CERK: variants seen among roughly 807,000 people sequenced by gnomAD.
CERK encodes acylsphingosine kinase.
CERK carries 39 observed loss-of-function variants against 63.4 expected under a neutral mutation model. That is an observed-to-expected ratio of 0.61 (90% CI 0.48 to 0.80). The LOEUF is 0.80. CERK is among the 30% of genes least tolerant of loss of function. CERK has a pLI of 0.00. For missense variants in CERK, 670 were observed against 714.1 expected, an observed-to-expected ratio of 0.94 and a Z score of 0.70; for synonymous variants, 302 against 280.0, an observed-to-expected ratio of 1.08 and a Z score of -0.78.
intron 3 of CERK, among the ~76,000 whole-genome samples, chr22:46,719,400 G>A (rs940662688): frequency 1.1e-4 from 16 of 151,950 alleles, no homozygotes; most frequent in Non-Finnish European, 1.9e-4. Context: ...GGCTGGGCGT[G>A]GTGGCTCACA....
intron 6 of CERK, among the ~76,000 whole-genome samples, chr22:46,702,449 G>A (rs116520404): frequency 3.3e-5 from 5 of 151,964 alleles, no homozygotes; most frequent in East Asian, 2.0e-4. Flanking sequence ...GCGCCACCAC[G>A]CCCTGGCTTA....
chr22:46,719,979 G>A, intron 3 of CERK, 107 bp downstream of exon 3: 2 of 1,438,214 alleles, frequency 1.4e-6, no homozygotes, highest in South Asian at 2.6e-5. Flanking sequence ...GTCCACCTGG[G>A]GTATGGCCAG....
At chr22:46,733,514 G>A (rs907340148) in intron 1 of CERK, among the ~76,000 whole-genome samples, 1 of 151,048 alleles carries the variant, frequency 6.6e-6, no homozygotes, top group Admixed American at 6.6e-5. Flanking sequence ...GGCTGGTCAC[G>A]ACCTCCTGAC....
chr22:46,718,367 C>T (rs116776971), intron 3 of CERK, among the ~76,000 whole-genome samples: 1,974 of 152,002 alleles, frequency 0.013, 40 homozygotes, highest in African/African-American at 0.045. Flanking sequence ...GAAAGCAGGA[C>T]GGACGGAAAG....
At chr22:46,702,095 C>T (rs1006662105) in intron 6 of CERK, among the ~76,000 whole-genome samples, 3 of 149,146 alleles carry the variant, frequency 2.0e-5, no homozygotes, top group African/African-American at 4.9e-5. Context: ...GCAGGAGAAT[C>T]GCTTGATCCC....
intron 1 of CERK, among the ~76,000 whole-genome samples, chr22:46,736,380 C>T (rs2082973560): frequency 1.3e-5 from 2 of 152,248 alleles, no homozygotes; most frequent in South Asian, 4.1e-4. Context: ...AGCCCAGTGG[C>T]TACAAGCACA....
intron 2 of CERK, 26 bp from the exon 3 acceptor site, chr22:46,720,234 A>T: frequency 6.3e-7 from 1 of 1,593,580 alleles, no homozygotes; most frequent in South Asian, 1.1e-5. Flanking sequence ...CATGCTCGTT[A>T]GTGCAAAGTT....
intron 3 of CERK, among the ~76,000 whole-genome samples, chr22:46,716,086 A>G (rs994283874): frequency 1.3e-5 from 2 of 152,044 alleles, no homozygotes; most frequent in Non-Finnish European, 1.5e-5. Flanking sequence ...GCTACTTGCG[A>G]GGCTGAGGCA....
intron 10 of CERK, among the ~76,000 whole-genome samples, chr22:46,692,426 TAAAAAAAAAAAA>T (rs553286743): frequency 7.5e-5 from 7 of 93,114 alleles, no homozygotes; most frequent in African/African-American, 2.4e-4. Context: ...AACTCTGTCT[TAAAAAAAAAAAA>T]AAAAAAAAAA....
At position 46,691,768 on chromosome 22, in the gene CERK, T is replaced by C; in HGVS notation, c.1136A>G (p.Glu379Gly). 6.2e-7 allele frequency: 1 copy of C among 1,609,430 alleles called. No homozygotes were observed. Among genetic ancestry groups the C allele is most frequent in the South Asian group, 1.1e-5 (1 of 90,960 alleles). The change falls in exon 11 of 13, where the codon GAG becomes GGG. Residue 379 changes from glutamate to glycine, a missense_variant. By Grantham distance (98) the Glu-to-Gly change is moderately conservative. Coordinates refer to ENST00000216264, the MANE Select transcript of CERK (RefSeq NM_022766.6). ...LYGLEAAEDV[E>G]EWQVVCGKFL... ...CTTCCCACAGACGACTTGCCACTCCTCCACGTCCTCTGAAGCACAAAGAAC... is the reference window on the plus strand; with the variant it reads ...CTTCCCACAGACGACTTGCCACTCCCCCACGTCCTCTGAAGCACAAAGAAC...
At chr22:46,718,508 G>A (rs1175653978) in intron 3 of CERK, among the ~76,000 whole-genome samples, 1 of 152,172 alleles carries the variant, frequency 6.6e-6, no homozygotes, top group Non-Finnish European at 1.5e-5. Flanking sequence ...CGGTCAGGAT[G>A]AGCTTTTCAC....
rs1337514286 is a variant in CERK at position 46,707,885 on chromosome 22, C to T, written c.673G>A (p.Val225Met). Reference protein sequence around the residue: ...AGVDQNHPRAVLVPSSLRIGI... With the variant: ...AGVDQNHPRAMLVPSSLRIGI... ...ATCCGGAGGCTACTGGGGACCAGCA[C>T]AGCCCGGGGGTGGTTCTGGTCGACC... The change falls in exon 6 of 13, where the codon GTG (valine) becomes ATG (methionine). Residue 225 changes from valine (V) to methionine (M), a missense_variant. Transcript: ENST00000216264. The T allele has an allele frequency of 2.5e-6, 4 of 1,613,860 alleles. No homozygotes were observed. In the South Asian group the frequency reaches 3.3e-5, roughly 13 times the overall value.
At position 46,720,170 on chromosome 22, in the gene CERK, A is replaced by G. The variant is rs762550293; in HGVS notation, c.295T>C (p.Trp99Arg). The G allele has an allele frequency of 1.2e-6, 2 of 1,614,002 alleles. No individual in the cohort carries two copies. Among genetic ancestry groups the G allele is most frequent in the Non-Finnish European group, 1.7e-6 (2 of 1,179,992 alleles). The change falls in exon 3 of 13, where the codon TGG becomes CGG. Residue 99 changes from tryptophan (W) to arginine (R), a missense_variant. By Grantham distance (101) the Trp-to-Arg change is moderately radical. Coordinates refer to ENST00000216264, the MANE Select transcript of CERK (RefSeq NM_022766.6). Reference sequence around the variant, plus strand: ...GGACACCAGAAAGTCACCTGCGCCCACTTCCAGCGGTGCCGTCGTGCTCTC... The same window carrying G: ...GGACACCAGAAAGTCACCTGCGCCCGCTTCCAGCGGTGCCGTCGTGCTCTC... ...VKRARRHRWK[W>R]AQVTFWCPEE...
At chr22:46,697,019 G>A (rs1011025155) in intron 8 of CERK, among the ~76,000 whole-genome samples, 8 of 152,198 alleles carry the variant, frequency 5.3e-5, no homozygotes, top group African/African-American at 1.2e-4. Flanking sequence ...TAATTTTCTC[G>A]GTATTCCCTT....
chr22:46,733,389 G>A (rs2082956075), intron 1 of CERK, among the ~76,000 whole-genome samples: 1 of 151,156 alleles, frequency 6.6e-6, no homozygotes, highest in Admixed American at 6.6e-5. Context: ...CGCCTCCCAG[G>A]TTCAAGAGAT....
intron 11 of CERK, among the ~76,000 whole-genome samples, chr22:46,690,815 T>C (rs1169770848): frequency 2.0e-5 from 3 of 152,198 alleles, no homozygotes; most frequent in African/African-American, 7.2e-5. Flanking sequence ...TTCAGTGGCC[T>C]GCAAGGGCCA....
intron 1 of CERK, among the ~76,000 whole-genome samples, chr22:46,732,502 G>A (rs1348058173): frequency 6.6e-6 from 1 of 151,908 alleles, no homozygotes. Context: ...ATCTTCTCGA[G>A]TATGAAAGTT....
rs186113651 is a variant in CERK at position 46,720,178 on chromosome 22, C to T, written c.287G>A (p.Arg96His). The T allele has an allele frequency of 5.7e-5, 92 of 1,613,908 alleles. No individual in the cohort carries two copies. Among genetic ancestry groups the T allele is most frequent in the Non-Finnish European group, 7.2e-5 (85 of 1,179,968 alleles). The change falls in exon 3 of 13, where the codon CGC becomes CAC. Residue 96 changes from arginine to histidine, a missense_variant. Coordinates refer to ENST00000216264, the MANE Select transcript of CERK (RefSeq NM_022766.6). ...VHCVKRARRH[R>H]WKWAQVTFWC... is the part of the protein sequence containing the mutation. ...GAAAGTCACCTGCGCCCACTTCCAG[C>T]GGTGCCGTCGTGCTCTCTTTACACA...
Position 46,690,987 on chromosome 22 carries a change from ATATG to A in CERK, c.1332+581_1332+584del, listed in dbSNP as rs200009642. ...TGTGTGTATATGTATGTATGTGTGT[ATATG>A]TATGTATGTGTATGTATATACACAT... On this transcript the variant is annotated intron_variant, in intron 11 of 12. Coordinates refer to ENST00000216264, the MANE Select transcript of CERK (RefSeq NM_022766.6). 9.8e-3 allele frequency among the ~76,000 whole-genome samples: 1,432 copies of A among 146,126 alleles called. 25 individuals are homozygous for A. The highest frequency in any genetic ancestry group is 0.038 in the African/African-American group (1,358 of 36,162).
Sources: gnomAD v4.1 joint callset for allele counts (sites outside exome capture counted in the v4.1 genomes callset) on GRCh38, gnomAD v4.1.1 for gene constraint, MANE v1.5 for transcripts, NCBI Gene and HGNC (gene_info 2026-07-23, HGNC 2026-07-21) for gene names.